Variants in COL5A1 observed in about 807,000 individuals in gnomAD.
COL5A1 encodes collagen type V alpha 1 chain.
A neutral mutation model predicts 263.7 loss-of-function variants in COL5A1; 16 were observed. The observed-to-expected ratio is 0.06, with a 90% CI of 0.04 to 0.09. COL5A1 has a LOEUF of 0.09. COL5A1 is among the 10% of genes least tolerant of loss of function. The pLI is 1.00. For missense variants in COL5A1, 2,036 were observed against 2,540.5 expected (o/e 0.80, Z 4.27); for synonymous variants, 1,012 against 1,004.5 (o/e 1.01, Z -0.14).
intron 27 of COL5A1, among the ~76,000 whole-genome samples, chr9:134,777,874 T>C (rs1463825331): frequency 1.3e-5 from 2 of 152,228 alleles, no homozygotes; most frequent in African/African-American, 4.8e-5. Flanking sequence ...GACATCACCT[T>C]GCATTCAGGA....
rs1260728324 is a variant in COL5A1, at chr9:134,758,169, C to G, written c.1882-74C>G. On this transcript the variant is annotated intron_variant, in intron 17 of 65. Transcript: ENST00000371817. This position sits in a 1 kb window ranked among gnomAD's most constrained non-coding sequence, Gnocchi z 4.1. ...GTGGTCCAAGGCGGGGCGGCCATCACTTGGTGGACACCAAGGCGGGGTGTC... is the reference window on the plus strand; with the variant it reads ...GTGGTCCAAGGCGGGGCGGCCATCAGTTGGTGGACACCAAGGCGGGGTGTC... 2.0e-6 allele frequency: 3 copies of G among 1,519,048 alleles called. No individual in the cohort carries two copies. Among genetic ancestry groups the G allele is most frequent in the Non-Finnish European group, 2.7e-6 (3 of 1,094,828 alleles). 94.1% of individuals were successfully genotyped at this position (1,519,048 alleles called of 1,614,324 possible).
chr9:134,693,647 C>T (rs1833360501), intron 2 of COL5A1, among the ~76,000 whole-genome samples: 1 of 152,170 alleles, frequency 6.6e-6, no homozygotes, highest in African/African-American at 2.4e-5. Context: ...TGTCATAGGA[C>T]ATCATTTGCC....
chr9:134,713,696 C>G (rs760150881), intron 4 of COL5A1, among the ~76,000 whole-genome samples: 1 of 152,170 alleles, frequency 6.6e-6, no homozygotes, highest in Non-Finnish European at 1.5e-5. Flanking sequence ...AACCCATTAA[C>G]GATCATCAGT....
At chr9:134,804,923 A>T in intron 39 of COL5A1, 52 bp from the exon 40 acceptor site, 1 of 1,496,612 alleles carries the variant, frequency 6.7e-7, no homozygotes, top group Non-Finnish European at 9.3e-7. Flanking sequence ...GGGGCTGGTG[A>T]GAGGTCTGCG....
chr9:134,808,974 T>C (rs1284868357), intron 42 of COL5A1: 2 of 616,152 alleles, frequency 3.2e-6, no homozygotes, highest in Non-Finnish European at 2.9e-6. Flanking sequence ...GTGGATTAAT[T>C]GAAGCGATGC....
At chr9:134,753,758 C>CAACCCCA in intron 14 of COL5A1, 92 bp from the exon 15 acceptor site, 1 of 708,476 alleles carries the variant, frequency 1.4e-6, no homozygotes, top group African/African-American at 1.7e-5. Context: ...GCCCTGTCCC[C>CAACCCCA]TCCCCCTGCC....
intron 14 of COL5A1, among the ~76,000 whole-genome samples, chr9:134,753,535 G>A (rs1486655103): frequency 6.6e-6 from 1 of 152,216 alleles, no homozygotes; most frequent in Non-Finnish European, 1.5e-5. Context: ...GAAGCTTTGG[G>A]CTGTAACGGA....
intron 1 of COL5A1, among the ~76,000 whole-genome samples, chr9:134,666,354 A>G (rs1390638948): frequency 6.6e-6 from 1 of 151,852 alleles, no homozygotes; most frequent in Non-Finnish European, 1.5e-5. Context: ...GGCTCAGCAC[A>G]GGCTCCTGGG....
rs183995062 is a variant in COL5A1, at chr9:134,734,541, G to T, written c.1389+2414G>T. On this transcript the variant is annotated intron_variant, in intron 9 of 65. Transcript: ENST00000371817. Reference sequence around the variant, plus strand: ...CCTGCGGGCGTCCCGGCCTGTGGAAGGGGGTGTCTGTTGTCTGCCCCACCT... The same window carrying T: ...CCTGCGGGCGTCCCGGCCTGTGGAATGGGGTGTCTGTTGTCTGCCCCACCT... 2.8e-3 allele frequency among the ~76,000 whole-genome samples: 421 copies of T among 152,392 alleles called. 1 individual carries two copies. Among genetic ancestry groups the T allele is most frequent in the African/African-American group, 9.8e-3 (409 of 41,600 alleles).
At chr9:134,824,092 G>C (rs898847306) in intron 61 of COL5A1, among the ~76,000 whole-genome samples, 2 of 152,174 alleles carry the variant, frequency 1.3e-5, no homozygotes, top group East Asian at 3.9e-4. Context: ...TTTGAACCAG[G>C]GCATGGCGAG....
rs538245016 is a variant in COL5A1 at position 134,828,291 on chromosome 9, G to A, written c.5068-1685G>A. Reference sequence around the variant, plus strand: ...GTGTGTCTGCAGCCTCGGCCTCTGTGGAAAGCAGGCCTCAGGTGGGAGCCC... The same window carrying A: ...GTGTGTCTGCAGCCTCGGCCTCTGTAGAAAGCAGGCCTCAGGTGGGAGCCC... On this transcript the variant is annotated intron_variant, in intron 63 of 65. Coordinates refer to ENST00000371817, the MANE Select transcript of COL5A1 (RefSeq NM_000093.5). 2.6e-5 allele frequency among the ~76,000 whole-genome samples: 4 copies of A among 152,314 alleles called. No individual in the cohort carries two copies. In the South Asian group the frequency reaches 8.3e-4, roughly 32 times the overall value.
intron 1 of COL5A1, among the ~76,000 whole-genome samples, chr9:134,650,439 A>G (rs1831638295): frequency 1.3e-5 from 2 of 152,208 alleles, no homozygotes; most frequent in Admixed American, 1.3e-4. Flanking sequence ...TTTGCTTGGC[A>G]GCATTTATGG....
At chr9:134,810,398 C>T in intron 44 of COL5A1, 90 bp downstream of exon 44, 1 of 1,281,486 alleles carries the variant, frequency 7.8e-7, no homozygotes, top group South Asian at 1.2e-5. Flanking sequence ...ACGTTCTCTT[C>T]CAACGTTGCT....
At chr9:134,736,593 T>C (rs1835106787) in intron 9 of COL5A1, among the ~76,000 whole-genome samples, 1 of 152,234 alleles carries the variant, frequency 6.6e-6, no homozygotes, top group Non-Finnish European at 1.5e-5. Flanking sequence ...CCCTAGCACA[T>C]TCTGTCCCAG....
intron 26 of COL5A1, among the ~76,000 whole-genome samples, chr9:134,774,566 C>T (rs1429601856): frequency 6.6e-6 from 1 of 152,234 alleles, no homozygotes; most frequent in Admixed American, 6.5e-5. Context: ...TGACCTTTCA[C>T]CGTCTCACTG....
intron 63 of COL5A1, 144 bp from the exon 64 acceptor site, chr9:134,829,832 G>A (rs559658365): frequency 3.0e-4 from 259 of 867,114 alleles, no homozygotes; most frequent in Non-Finnish European, 4.2e-4. Context: ...CACTGAAGGC[G>A]CTCGGTGGGT....
chr9:134,711,071 G>A (rs866591180), intron 4 of COL5A1, among the ~76,000 whole-genome samples: 13 of 152,110 alleles, frequency 8.5e-5, no homozygotes, highest in Admixed American at 3.3e-4. Flanking sequence ...AGCCACATGG[G>A]AAGCCGGGAA....
chr9:134,690,612 C>A (rs1458557578), intron 1 of COL5A1, among the ~76,000 whole-genome samples: 1 of 152,150 alleles, frequency 6.6e-6, no homozygotes, highest in Non-Finnish European at 1.5e-5. Flanking sequence ...CAGAGCTGGG[C>A]TAGCCCGGGT....
At chr9:134,800,971 C>T (rs1838092817) in intron 37 of COL5A1, among the ~76,000 whole-genome samples, 1 of 152,158 alleles carries the variant, frequency 6.6e-6, no homozygotes, top group South Asian at 2.1e-4. Flanking sequence ...GTGCATGTCT[C>T]CACCAGTGTC....
Sources: allele counts gnomAD v4.1 joint callset (sites outside exome capture counted in the v4.1 genomes callset), GRCh38; gene constraint gnomAD v4.1.1; non-coding constraint Gnocchi (gnomAD v3.1); transcripts MANE v1.5; gene names NCBI Gene and HGNC (gene_info 2026-07-23, HGNC 2026-07-21).